MRAP: variants seen among roughly 807,000 people sequenced by gnomAD.
The protein encoded by MRAP is melanocortin 2 receptor accessory protein.
Under a neutral mutation model 8.7 loss-of-function variants are expected in MRAP, and 8 were observed. The observed-to-expected ratio is 0.92, with a 90% CI of 0.54 to 1.66. The LOEUF (loss-of-function observed/expected upper bound fraction) is 1.66. MRAP is among the 40% of genes most tolerant of loss of function. The probability of loss-of-function intolerance (pLI) is 0.00; values close to 1 mark genes in which losing one functional copy is unlikely to be tolerated. For missense variants in MRAP, 237 were observed against 217.1 expected, an observed-to-expected ratio of 1.09 and a Z score of -0.58; for synonymous variants, 95 against 95.5, an observed-to-expected ratio of 1.00 and a Z score of 0.03.
At chr21:32,301,871 A>AC (rs1328225170) in intron 1 of MRAP, among the ~76,000 whole-genome samples, 2 of 152,238 alleles carry the variant, frequency 1.3e-5, no homozygotes, top group Non-Finnish European at 2.9e-5. Flanking sequence ...ACAAAATGAC[A>AC]CTGTCAACCA....
chr21:32,298,199 C>T (rs572398746), upstream of MRAP, among the ~76,000 whole-genome samples: 36 of 152,248 alleles, frequency 2.4e-4, no homozygotes, highest in Non-Finnish European at 2.5e-4. Flanking sequence ...GAAGAATCTG[C>T]GTCACGTGTG....
intron 2 of MRAP, among the ~76,000 whole-genome samples, chr21:32,310,808 A>G (rs1387797176): frequency 6.6e-6 from 1 of 151,738 alleles, no homozygotes; most frequent in Non-Finnish European, 1.5e-5. Flanking sequence ...CACCACACCC[A>G]GCTAATTTTT....
chr21:32,296,936 A>G (rs1293569944), upstream of MRAP, among the ~76,000 whole-genome samples: 1 of 152,204 alleles, frequency 6.6e-6, no homozygotes, highest in Admixed American at 6.5e-5. Flanking sequence ...AGCCTATACT[A>G]AATTTATTTA....
At chr21:32,311,559 G>C in intron 2 of MRAP, 125 bp from the exon 3 acceptor site, 1 of 1,381,276 alleles carries the variant, frequency 7.2e-7, no homozygotes, top group Non-Finnish European at 9.8e-7. Flanking sequence ...TCAGGAATTT[G>C]CCTGTGTGGC....
chr21:32,302,980 T>TTC (rs386394620), intron 1 of MRAP, among the ~76,000 whole-genome samples: 7 of 3,348 alleles, frequency 2.1e-3, no homozygotes, highest in East Asian at 0.017. Context: ...CCCAATTCCC[T>TTC]TTTTTTTTTT....
chr21:32,300,942 TATC>T (rs2032278827), intron 1 of MRAP, among the ~76,000 whole-genome samples: 3 of 150,742 alleles, frequency 2.0e-5, no homozygotes, highest in East Asian at 3.9e-4. Context: ...GTGTATGTCA[TATC>T]AATGATATAT....
At chr21:32,294,100 C>T (rs2032097781), upstream of MRAP, among the ~76,000 whole-genome samples, 1 of 151,870 alleles carries the variant, frequency 6.6e-6, no homozygotes, top group African/African-American at 2.4e-5. Flanking sequence ...GAGGTATCTA[C>T]TGGTTTTGTT....
At chr21:32,301,152 CGT>C (rs1018183792) in intron 1 of MRAP, among the ~76,000 whole-genome samples, 1 of 149,606 alleles carries the variant, frequency 6.7e-6, no homozygotes, top group Non-Finnish European at 1.5e-5. Context: ...TTAGTAGAGA[CGT>C]GGTTTCACCG....
upstream of MRAP, among the ~76,000 whole-genome samples, chr21:32,297,759 G>A (rs549380792): frequency 6.6e-6 from 1 of 152,238 alleles, no homozygotes; most frequent in Admixed American, 6.5e-5. Flanking sequence ...TGTAGCGGGA[G>A]CAGAGGTTTT....
At chr21:32,300,497 A>ATGTGTCACGCATCC (rs1491558785) in intron 1 of MRAP, among the ~76,000 whole-genome samples, 22 of 143,236 alleles carry the variant, frequency 1.5e-4, no homozygotes, top group Non-Finnish European at 3.2e-4. Flanking sequence ...CCTATGTCGG[A>ATGTGTCACGCATCC]TGTGTCACGC....
chr21:32,300,761 T>C (rs1229589070), intron 1 of MRAP, among the ~76,000 whole-genome samples: 4 of 150,746 alleles, frequency 2.7e-5, no homozygotes, highest in South Asian at 4.2e-4. Context: ...GCGTCCTATG[T>C]CAGGGGCGTC....
At chr21:32,303,626 G>C (rs2032337407) in intron 1 of MRAP, among the ~76,000 whole-genome samples, 1 of 152,232 alleles carries the variant, frequency 6.6e-6, no homozygotes, top group Non-Finnish European at 1.5e-5. Context: ...GGGAGGATAG[G>C]AGAGAGGAAA....
chr21:32,306,108 G>T (rs1300385792), intron 1 of MRAP, among the ~76,000 whole-genome samples: 1 of 152,180 alleles, frequency 6.6e-6, no homozygotes, highest in African/African-American at 2.4e-5. Flanking sequence ...GCAGACCTAG[G>T]CTAACTCCCG....
At chr21:32,311,316 T>C in intron 2 of MRAP, 1 of 237,142 alleles carries the variant, frequency 4.2e-6, no homozygotes. Context: ...AGCCAAACCA[T>C]ATCACCAAGA....
chr21:32,314,507 TCTTC>T (rs2032647051), downstream of MRAP: 1 of 1,564,382 alleles, frequency 6.4e-7, no homozygotes, highest in African/African-American at 1.4e-5. Flanking sequence ...TAAACATCTC[TCTTC>T]GTTTTCATAA....
downstream of MRAP, chr21:32,312,353 C>G: frequency 8.4e-7 from 1 of 1,184,818 alleles, no homozygotes; most frequent in Non-Finnish European, 1.1e-6. Flanking sequence ...GTTATCAGCC[C>G]TGAGTTCACC....
chr21:32,299,876 G>A (rs886860472), intron 1 of MRAP, among the ~76,000 whole-genome samples: 3 of 152,072 alleles, frequency 2.0e-5, no homozygotes, highest in Non-Finnish European at 4.4e-5. Context: ...ATCTGCCCTC[G>A]GGTTCCTTAT....
At chr21:32,304,670 C>CA (rs950297686) in intron 1 of MRAP, among the ~76,000 whole-genome samples, 4 of 134,330 alleles carry the variant, frequency 3.0e-5, no homozygotes, top group Non-Finnish European at 4.8e-5. Context: ...CAAAACAAAC[C>CA]AAAAAAACTC....
intron 1 of MRAP, among the ~76,000 whole-genome samples, chr21:32,300,220 C>CCA (rs951896724): frequency 6.6e-5 from 10 of 152,164 alleles, no homozygotes; most frequent in East Asian, 1.9e-4. Context: ...GATCCCATCT[C>CCA]CACACACACA....
Sources: gnomAD v4.1 joint callset for allele counts (sites outside exome capture counted in the v4.1 genomes callset) on GRCh38, gnomAD v4.1.1 for gene constraint, MANE v1.5 for transcripts, NCBI Gene and HGNC (gene_info 2026-07-23, HGNC 2026-07-21) for gene names.